The following DGKH variants were observed in gnomAD, a reference collection of about 807,000 sequenced individuals.
The protein encoded by DGKH is DAG kinase eta.
A neutral mutation model predicts 159.3 loss-of-function variants in DGKH; 90 were observed. The observed-to-expected ratio is 0.57, with a 90% CI of 0.48 to 0.67. DGKH has a LOEUF of 0.67. Ranked by LOEUF, DGKH falls within the 30% of genes least tolerant of loss-of-function variation. The probability of loss-of-function intolerance (pLI) is 0.00; values close to 1 mark genes in which losing one functional copy is unlikely to be tolerated. For synonymous variants in DGKH, 536 were observed against 553.8 expected (o/e 0.97, Z 0.45); for missense variants, 1,181 against 1,506.1 (o/e 0.78, Z 3.57).
chr13:42,171,097 A>T (rs2138028642), intron 11 of DGKH, among the ~76,000 whole-genome samples: 1 of 152,312 alleles, frequency 6.6e-6, no homozygotes, highest in East Asian at 1.9e-4. Flanking sequence ...AGTTTTCTGG[A>T]TACAGTGGGA....
intron 14 of DGKH, 107 bp from the exon 15 acceptor site, chr13:42,188,929 C>A: frequency 7.7e-7 from 1 of 1,303,538 alleles, no homozygotes; most frequent in Non-Finnish European, 1.0e-6. Flanking sequence ...GTGTTTTTCT[C>A]TCTAGTGATT....
intron 21 of DGKH, among the ~76,000 whole-genome samples, chr13:42,206,975 T>TTTCCTTTCTTTCTTTC (rs1555275938): frequency 1.2e-4 from 10 of 82,308 alleles, no homozygotes; most frequent in Admixed American, 1.4e-4. Flanking sequence ...TACTTTTACT[T>TTTCCTTTCTTTCTTTC]TTTCTTTCTT....
chr13:42,087,740 C>T (rs1461465360), intron 1 of DGKH, among the ~76,000 whole-genome samples: 5 of 132,172 alleles, frequency 3.8e-5, no homozygotes, highest in Admixed American at 1.8e-4. Flanking sequence ...AGTTGATGCA[C>T]TGCTCATTTT....
intron 7 of DGKH, among the ~76,000 whole-genome samples, chr13:42,160,455 C>T (rs1956151519): frequency 6.6e-6 from 1 of 152,214 alleles, no homozygotes. Context: ...CCTGAAAGCC[C>T]TTCTCTGGTA....
chr13:42,219,456 T>C (rs1957908368), intron 27 of DGKH, 107 bp downstream of exon 27: 1 of 1,453,746 alleles, frequency 6.9e-7, no homozygotes. Flanking sequence ...TTTTGAATAC[T>C]ACTTTCAAAT....
At chr13:42,079,196 G>A (rs1384439679) in intron 1 of DGKH, among the ~76,000 whole-genome samples, 1 of 152,006 alleles carries the variant, frequency 6.6e-6, no homozygotes, top group Non-Finnish European at 1.5e-5. Context: ...GATTACAGGC[G>A]TGAGCCACCA....
chr13:42,191,555 T>A (rs1402259964), intron 16 of DGKH, among the ~76,000 whole-genome samples: 1 of 152,164 alleles, frequency 6.6e-6, no homozygotes, highest in African/African-American at 2.4e-5. Context: ...ACCAAATTTT[T>A]GGAGAGCTGA....
intron 5 of DGKH, among the ~76,000 whole-genome samples, chr13:42,157,793 T>TC (rs1956079918): frequency 6.6e-6 from 1 of 152,196 alleles, no homozygotes; most frequent in East Asian, 1.9e-4. Flanking sequence ...TGTTGCTGTG[T>TC]CTCCCAGGCT....
intron 29 of DGKH, among the ~76,000 whole-genome samples, chr13:42,251,256 G>T (rs962067355): frequency 6.6e-6 from 1 of 151,974 alleles, no homozygotes; most frequent in African/African-American, 2.4e-5. Flanking sequence ...TGGGCATATC[G>T]CTTGAGCCCA....
downstream of DGKH, among the ~76,000 whole-genome samples, chr13:42,245,700 C>T (rs372153654): frequency 8.5e-5 from 13 of 152,268 alleles, no homozygotes; most frequent in African/African-American, 3.1e-4. Flanking sequence ...ATTCTCCTGC[C>T]TCAGCCTCCC....
At chr13:42,051,636 T>C (rs1440626483) in intron 1 of DGKH, among the ~76,000 whole-genome samples, 1 of 139,180 alleles carries the variant, frequency 7.2e-6, no homozygotes, top group Non-Finnish European at 1.5e-5. Context: ...TAAGATTAGC[T>C]CAAAGCCATC....
In DGKH at chr13:42,213,660, G is replaced by A. The variant is rs78705702; in HGVS notation, c.3015-847G>A. Among the ~76,000 whole-genome samples, 633 of 151,870 alleles carry A rather than the reference G, an allele frequency of 4.2e-3. 6 individuals carry two copies. The highest frequency in any genetic ancestry group is 0.015 in the African/African-American group (610 of 41,378). ...ATTAAATTCTTTTTCTTTACTCTTG[G>A]TTCAGCTATATAGGGCCTCAGTCCC... On this transcript the variant is annotated intron_variant, in intron 24 of 29. Transcript: ENST00000337343.
At chr13:42,216,461 T>C (rs975736254) in intron 26 of DGKH, 2 of 151,698 alleles carry the variant, frequency 1.3e-5, no homozygotes, top group Non-Finnish European at 2.9e-5. Context: ...ATTTTCTCAC[T>C]TGGTTGGGCA....
At chr13:42,061,988 G>GGGGT (rs145261789) in intron 1 of DGKH, among the ~76,000 whole-genome samples, 1 of 149,678 alleles carries the variant, frequency 6.7e-6, no homozygotes, top group African/African-American at 2.5e-5. Context: ...TGTGTGTGTG[G>GGGGT]GTGTGTGTGT....
At chr13:42,064,002 G>A (rs758187379) in intron 1 of DGKH, among the ~76,000 whole-genome samples, 1 of 151,718 alleles carries the variant, frequency 6.6e-6, no homozygotes, top group African/African-American at 2.4e-5. Flanking sequence ...TGAGAGAAAA[G>A]ATTAAATGAT....
chr13:42,246,293 A>G (rs1958579327), downstream of DGKH, among the ~76,000 whole-genome samples: 1 of 152,146 alleles, frequency 6.6e-6, no homozygotes, highest in Non-Finnish European at 1.5e-5. Flanking sequence ...CAAGAATGAG[A>G]GACTACAAGG....
chr13:42,138,363 G>A (rs1459830677), intron 3 of DGKH, among the ~76,000 whole-genome samples: 2 of 128,238 alleles, frequency 1.6e-5, no homozygotes, highest in African/African-American at 5.1e-5. Flanking sequence ...GTGTGTGCAT[G>A]TGAGAGGGGG....
intron 23 of DGKH, among the ~76,000 whole-genome samples, chr13:42,209,719 C>T (rs1169296618): frequency 1.3e-5 from 2 of 152,062 alleles, no homozygotes; most frequent in Non-Finnish European, 2.9e-5. Context: ...TCCTCCTCCC[C>T]CTTCTTCCCT....
rs1958236241 is a variant in DGKH at position 42,229,530 on chromosome 13, G to A, written c.*342G>A. On this transcript the variant is annotated 3_prime_UTR_variant, in exon 30 of 30. Coordinates refer to ENST00000337343, the MANE Select transcript of DGKH (RefSeq NM_178009.5). ...TTCCATAGATCTGGTCTGATGGAAT[G>A]TTCCTACTGTGCAACTGCATAACAA... 1 of 189,470 alleles carries A rather than the reference G, an allele frequency of 5.3e-6. No individual in the cohort carries two copies. Among genetic ancestry groups the A allele is most frequent in the African/African-American group, 2.4e-5 (1 of 41,998 alleles). 11.7% of individuals were successfully genotyped at this position (189,470 alleles called of 1,614,324 possible). A position where few individuals can be genotyped will look rare whatever the true frequency, so the allele number is the denominator to read the frequency against.
Sources: allele counts gnomAD v4.1 joint callset (sites outside exome capture counted in the v4.1 genomes callset), GRCh38; gene constraint gnomAD v4.1.1; transcripts MANE v1.5; gene names NCBI Gene and HGNC (gene_info 2026-07-23, HGNC 2026-07-21).